RAI2: variants seen among roughly 807,000 people sequenced by gnomAD.
RAI2 encodes retinoic acid induced 2.
RAI2 carries 5 observed loss-of-function variants against 15.3 expected under a neutral mutation model. That is an observed-to-expected ratio of 0.33 (90% CI 0.17 to 0.69). The LOEUF (loss-of-function observed/expected upper bound fraction) is 0.69. RAI2 is among the 30% of genes least tolerant of loss of function. The probability of loss-of-function intolerance (pLI) is 0.69; values close to 1 mark genes in which losing one functional copy is unlikely to be tolerated. For synonymous variants in RAI2, 191 were observed against 184.0 expected, an observed-to-expected ratio of 1.04 and a Z score of -0.31; for missense variants, 424 against 424.7, an observed-to-expected ratio of 1.00 and a Z score of 0.01.
chrX:17,852,115 C>T (rs1199324360), intron 1 of RAI2, among the ~76,000 whole-genome samples: 2 of 111,684 alleles, frequency 1.8e-5, no homozygotes, highest in Non-Finnish European at 3.8e-5. Flanking sequence ...TGGCCTGCAA[C>T]GGACTGGCAA....
At chrX:17,820,333 G>C (rs1256779131) in intron 1 of RAI2, among the ~76,000 whole-genome samples, 1 of 112,190 alleles carries the variant, frequency 8.9e-6, no homozygotes, top group Admixed American at 9.4e-5. Context: ...AGGCAAGCAA[G>C]AGCCAAAATG....
rs1286950529 is a variant in RAI2 at position 17,800,492 on chromosome X, T to C, written c.1519A>G (p.Lys507Glu). 1.7e-6 allele frequency: 2 copies of C among 1,211,479 alleles called. No homozygotes were observed. The highest frequency in any genetic ancestry group is 3.5e-5 in the South Asian group (2 of 56,842). The change falls in exon 2 of 2, where the codon AAA (lysine) becomes GAA (glutamate). Residue 507 changes from lysine (K) to glutamate (E), a missense_variant. Transcript: ENST00000451717. ...ATGTGTATTTCCTGGGAGTTCACTT[T>C]CTTTAACTTTATGCTCCGGTTTTTG... is the stretch of plus-strand genomic sequence containing the variant. ...PIKNRSIKLK[K>E]VNSQEIHMLP...
chrX:17,801,691 T>C lies in RAI2; in HGVS notation c.320A>G (p.Asn107Ser). 8.3e-7 allele frequency: 1 copy of C among 1,211,663 alleles called. No homozygotes were observed. Residue 107 changes from asparagine to serine, a missense_variant, in exon 2 of 2, where the codon AAT (asparagine) becomes AGT (serine). By Grantham distance (46) the Asn-to-Ser change is conservative (BLOSUM62 1). Transcript: ENST00000451717. The part of the protein sequence containing the change: ...EGSSAPELNP[N>S]GNATYVMTTQ... ...GGTCATGACGTAGGTGGCATTGCCATTCGGATTGAGCTCTGGTGCGGAGCT... is the reference window on the plus strand; with the variant it reads ...GGTCATGACGTAGGTGGCATTGCCACTCGGATTGAGCTCTGGTGCGGAGCT...
rs748931099 is a variant in RAI2, at chrX:17,813,643, A to AATT, written c.-24-11612_-24-11610dup. On this transcript the variant is annotated intron_variant, in intron 1 of 1. Transcript: ENST00000451717. ...CTAAGGAAGGACATGAATGTGAGTC[A>AATT]ATTATTCATTCCTTTACAGACACAA... 1.9e-3 allele frequency among the ~76,000 whole-genome samples: 208 copies of AATT among 111,651 alleles called. 1 individual carries two copies. The highest frequency in any genetic ancestry group is 6.3e-3 in the African/African-American group (194 of 30,696).
chrX:17,855,721 G>T (rs771878713), intron 1 of RAI2, among the ~76,000 whole-genome samples: 1 of 111,653 alleles, frequency 9.0e-6, no homozygotes, highest in African/African-American at 3.3e-5. Context: ...CTGTCTAATA[G>T]AAATGTTTAT....
intron 1 of RAI2, among the ~76,000 whole-genome samples, chrX:17,853,676 T>A (rs4825341): frequency 0.011 from 1,190 of 110,780 alleles, 26 homozygotes; most frequent in Admixed American, 0.064. Flanking sequence ...ATTTTTTTTT[T>A]AAAAAAAGGG....
intron 1 of RAI2, among the ~76,000 whole-genome samples, chrX:17,809,544 G>C (rs892674501): frequency 1.8e-5 from 2 of 111,614 alleles, no homozygotes; most frequent in African/African-American, 6.5e-5. Flanking sequence ...TTATTTTATA[G>C]TGTATGTAAT....
At chrX:17,835,698 C>T (rs1469706234) in intron 1 of RAI2, among the ~76,000 whole-genome samples, 1 of 111,626 alleles carries the variant, frequency 9.0e-6, no homozygotes, top group Non-Finnish European at 1.9e-5. Flanking sequence ...GCCCTAAGCC[C>T]CACCTCCTTC....
At chrX:17,823,428 C>T (rs1340202621) in intron 1 of RAI2, among the ~76,000 whole-genome samples, 2 of 112,015 alleles carry the variant, frequency 1.8e-5, no homozygotes, top group Admixed American at 9.5e-5. Context: ...GCAGCTTTTC[C>T]ATGGCAATGG....
chrX:17,844,027 A>C (rs2067429199), intron 1 of RAI2, among the ~76,000 whole-genome samples: 1 of 112,163 alleles, frequency 8.9e-6, no homozygotes, highest in African/African-American at 3.2e-5. Flanking sequence ...TAAAACTGAC[A>C]GCTTGGCGAG....
chrX:17,835,300 G>T (rs755003342), intron 1 of RAI2, among the ~76,000 whole-genome samples: 1 of 112,280 alleles, frequency 8.9e-6, no homozygotes, highest in African/African-American at 3.2e-5. Flanking sequence ...GATCAGACGA[G>T]GCAAATACAG....
At chrX:17,831,706 G>A (rs944862554) in intron 1 of RAI2, among the ~76,000 whole-genome samples, 2 of 112,480 alleles carry the variant, frequency 1.8e-5, no homozygotes, top group African/African-American at 6.5e-5. Context: ...AAGGACTGTC[G>A]AAGTGGGAGA....
At chrX:17,850,355 G>A (rs1343815856) in intron 1 of RAI2, among the ~76,000 whole-genome samples, 1 of 112,347 alleles carries the variant, frequency 8.9e-6, no homozygotes, top group Admixed American at 9.3e-5. Context: ...CAGTGGGCAT[G>A]GCTGAGGAGA....
At position 17,801,761 on chromosome X, in the gene RAI2, C is replaced by T. The variant is rs780041555; in HGVS notation, c.250G>A (p.Gly84Arg). ...ATGGGCATCACCACTGGGCTCTCCC[C>T]GAGGCACAGGGGCTGCAACACAGTG... ...AATVLQPLCL[G>R]ESPVVMPIHM... is the part of the protein sequence containing the mutation. The change falls in exon 2 of 2, where the codon GGG becomes AGG. Residue 84 changes from glycine to arginine, a missense_variant. Gly to Arg is a moderately radical substitution (Grantham distance 125). Coordinates refer to ENST00000451717, the MANE Select transcript of RAI2 (RefSeq NM_021785.6). The T allele has an allele frequency of 3.3e-6, 4 of 1,211,664 alleles. No homozygotes were observed. The highest frequency in any genetic ancestry group is 2.2e-5 in the Admixed American group (1 of 46,040).
rs73447880 is a variant in RAI2 at position 17,856,241 on chromosome X, C to T, written c.-25+4857G>A. Among the ~76,000 whole-genome samples the T allele has an allele frequency of 6.3e-3, 711 of 112,084 alleles. 5 individuals are homozygous for T. The highest frequency in any genetic ancestry group is 0.022 in the African/African-American group (679 of 30,810). On this transcript the variant is annotated intron_variant, in intron 1 of 1. Transcript: ENST00000451717. ...GATTAAAATGGGCTTTTATGAAAGGCCCTGGGACCATGCATAGTCTGAATG... is the reference window on the plus strand; with the variant it reads ...GATTAAAATGGGCTTTTATGAAAGGTCCTGGGACCATGCATAGTCTGAATG...
chrX:17,806,546 G>A (rs1007280952), intron 1 of RAI2, among the ~76,000 whole-genome samples: 1 of 110,406 alleles, frequency 9.1e-6, no homozygotes, highest in Non-Finnish European at 1.9e-5. Flanking sequence ...CCAGTTGCTA[G>A]GGCCTCACCC....
Position 17,801,094 on chromosome X carries a change from G to A in RAI2, c.917C>T (p.Thr306Met), listed in dbSNP as rs146607759. Reference sequence around the variant, plus strand: ...GTTCTCACTTCCCATCTTAATGACCGTGTGGCGGCTGAGCTGGAAGTACTC... The same window carrying A: ...GTTCTCACTTCCCATCTTAATGACCATGTGGCGGCTGAGCTGGAAGTACTC... ...PKEYFQLSRH[T>M]VIKMGSENEA... Residue 306 changes from threonine to methionine, a missense_variant, in exon 2 of 2, where the codon ACG (threonine) becomes ATG (methionine). Physicochemically the swap from Thr to Met is moderately conservative, Grantham distance 81 (BLOSUM62 -1). Transcript: ENST00000451717. The A allele has an allele frequency of 7.7e-5, 93 of 1,209,798 alleles. No individual in the cohort carries two copies. The African/African-American group carries it at 9.5e-4, about 12-fold the overall frequency.
At chrX:17,849,589 G>T (rs59674008) in intron 1 of RAI2, among the ~76,000 whole-genome samples, 3,732 of 112,726 alleles carry the variant, frequency 0.033, 161 homozygotes, top group African/African-American at 0.11. Flanking sequence ...TGATAAATGA[G>T]AGGTAATATA....
chrX:17,821,071 T>C (rs2067159913), intron 1 of RAI2, among the ~76,000 whole-genome samples: 1 of 111,556 alleles, frequency 9.0e-6, no homozygotes, highest in Non-Finnish European at 1.9e-5. Context: ...AACCTTAAAT[T>C]AGCATTCTTT....
Sources: allele counts gnomAD v4.1 joint callset (sites outside exome capture counted in the v4.1 genomes callset), GRCh38; gene constraint gnomAD v4.1.1; transcripts MANE v1.5; gene names NCBI Gene and HGNC (gene_info 2026-07-23, HGNC 2026-07-21).